Variants in TBC1D8 observed in about 807,000 individuals in gnomAD.
TBC1D8 encodes the protein BUB2-like protein 1.
Under a neutral mutation model 118.8 loss-of-function variants are expected in TBC1D8, and 65 were observed. The ratio of observed to expected loss-of-function variants is 0.55; its 90% CI spans 0.45 to 0.67. The LOEUF is 0.67. TBC1D8 is among the 30% of genes least tolerant of loss of function. TBC1D8 has a pLI of 0.00. For missense variants in TBC1D8, 1,376 were observed against 1,471.2 expected (o/e 0.94, Z 1.06); for synonymous variants, 566 against 595.8 (o/e 0.95, Z 0.73).
chr2:101,018,925 A>G, intron 17 of TBC1D8: 1 of 1,567,204 alleles, frequency 6.4e-7, no homozygotes, highest in South Asian at 1.2e-5. Flanking sequence ...TTGATGTCCT[A>G]ATCTTCTGGA....
intron 4 of TBC1D8, among the ~76,000 whole-genome samples, chr2:101,051,956 T>G (rs947454574): frequency 3.9e-5 from 6 of 152,354 alleles, no homozygotes; most frequent in African/African-American, 1.4e-4. Context: ...TTCTTAAAGA[T>G]CTCAGTAAAA....
intron 1 of TBC1D8, among the ~76,000 whole-genome samples, chr2:101,094,245 T>G (rs1676247351): frequency 6.6e-6 from 1 of 152,172 alleles, no homozygotes; most frequent in Non-Finnish European, 1.5e-5. Flanking sequence ...CAAAGGAGGC[T>G]GGAAACCTGT....
chr2:101,144,395 GGGGGT>G (rs982619714), intron 1 of TBC1D8, among the ~76,000 whole-genome samples: 1 of 152,122 alleles, frequency 6.6e-6, no homozygotes, highest in Non-Finnish European at 1.5e-5. Context: ...CCAGATGCTT[GGGGGT>G]GGGGGAGGAG....
intron 8 of TBC1D8, 126 bp downstream of exon 8, chr2:101,037,406 A>G: frequency 3.0e-6 from 4 of 1,339,258 alleles, no homozygotes; most frequent in Middle Eastern, 2.7e-4. Context: ...TGAGAACAAG[A>G]CGGAGGAGGA....
rs374030515 is a variant in TBC1D8 at position 101,143,132 on chromosome 2, G to A, written c.127+7995C>T. ...GAGTGGAGTGCAATGGCGAGATCTC[G>A]GCTCACTGCAACCTCCGCCTCCCGG... On this transcript the variant is annotated intron_variant, in intron 1 of 19. Coordinates refer to ENST00000409318, the MANE Select transcript of TBC1D8 (RefSeq NM_001330348.2). Among the ~76,000 whole-genome samples the A allele has an allele frequency of 5.4e-5, 8 of 147,388 alleles. No individual in the cohort carries two copies. The South Asian group carries it at 1.7e-3, about 31-fold the overall frequency.
chr2:101,054,672 C>CTTTT (rs34465252), intron 3 of TBC1D8, among the ~76,000 whole-genome samples: 14 of 25,436 alleles, frequency 5.5e-4, no homozygotes, highest in East Asian at 4.6e-3. Context: ...CTTTTCTTTT[C>CTTTT]TTTTTTTTTT....
intron 17 of TBC1D8, among the ~76,000 whole-genome samples, chr2:101,012,790 AAAAT>A (rs1159310081): frequency 2.0e-5 from 3 of 152,222 alleles, no homozygotes; most frequent in Non-Finnish European, 4.4e-5. Flanking sequence ...CATTTCACTG[AAAAT>A]AAATCAAAGG....
intron 1 of TBC1D8, among the ~76,000 whole-genome samples, chr2:101,124,157 C>T (rs1356763858): frequency 6.6e-6 from 1 of 152,150 alleles, no homozygotes; most frequent in Non-Finnish European, 1.5e-5. Flanking sequence ...ACTGGATCTC[C>T]GACACCACAC....
rs1445809219 is a variant in TBC1D8, at chr2:101,007,698, T to G, written c.*123A>C. The G allele has an allele frequency of 1.1e-5, 11 of 989,278 alleles. No individual in the cohort carries two copies. The highest frequency in any genetic ancestry group is 3.3e-5 in the African/African-American group (2 of 61,448). The allele number at this position is 989,278 out of a possible 1,614,324, so 61.3% of individuals were successfully genotyped here. ...TTCCCCTGGCCACAGTTTGTCAGGT[T>G]GTTTAGCCAGATGCCCCATTGGTAA... is the stretch of plus-strand genomic sequence containing the variant. On this transcript the variant is annotated 3_prime_UTR_variant, in exon 20 of 20. Coordinates refer to ENST00000409318, the MANE Select transcript of TBC1D8 (RefSeq NM_001330348.2).
intron 2 of TBC1D8, among the ~76,000 whole-genome samples, chr2:101,087,354 G>A (rs1347823886): frequency 6.6e-6 from 1 of 151,922 alleles, no homozygotes; most frequent in Non-Finnish European, 1.5e-5. Flanking sequence ...CTCTGGATTG[G>A]GGCCGGATGC....
chr2:101,027,327 C>T, intron 15 of TBC1D8, 56 bp downstream of exon 15: 2 of 1,551,488 alleles, frequency 1.3e-6, no homozygotes, highest in Non-Finnish European at 1.8e-6. Context: ...AGGCTGGGCA[C>T]CGCGGCTCAG....
chr2:101,027,382 C>CCTTG lies in TBC1D8; in HGVS notation c.2517_2520dup (p.Arg841GlnfsTer28). On this transcript the variant is annotated frameshift_variant and splice_region_variant. Transcript: ENST00000409318. LOFTEE classifies it high-confidence loss of function. Reference sequence around the variant, plus strand: ...CCCCTCATCTTCCCAGAGCTGCGTACCTTGAATAAGTCGTAGAGCTCCTCT... The same window carrying CCTTG: ...CCCCTCATCTTCCCAGAGCTGCGTACCTTGCTTGAATAAGTCGTAGAGCTCCTCT... 1 of 1,612,936 alleles carries CCTTG rather than the reference C, an allele frequency of 6.2e-7. No individual in the cohort carries two copies. Among genetic ancestry groups the CCTTG allele is most frequent in the Non-Finnish European group, 8.5e-7 (1 of 1,179,118 alleles).
At chr2:101,139,252 C>T (rs1425275517) in intron 1 of TBC1D8, among the ~76,000 whole-genome samples, 4 of 152,008 alleles carry the variant, frequency 2.6e-5, no homozygotes, top group Admixed American at 6.5e-5. Context: ...CAAATCTACA[C>T]TTGTGGATCC....
At chr2:101,055,691 A>G (rs1460562577) in intron 3 of TBC1D8, among the ~76,000 whole-genome samples, 1 of 152,202 alleles carries the variant, frequency 6.6e-6, no homozygotes, top group Non-Finnish European at 1.5e-5. Flanking sequence ...TTGACAACTC[A>G]TTGCTAACAT....
At chr2:101,028,019 A>T in intron 14 of TBC1D8, 29 bp downstream of exon 14, 1 of 1,609,376 alleles carries the variant, frequency 6.2e-7, no homozygotes, top group Non-Finnish European at 8.5e-7. Context: ...CAATACCGTG[A>T]TCACCGGGGT....
intron 11 of TBC1D8, among the ~76,000 whole-genome samples, chr2:101,030,910 T>A (rs997216982): frequency 2.6e-5 from 4 of 152,262 alleles, no homozygotes; most frequent in African/African-American, 9.6e-5. Context: ...ATGATTACAT[T>A]TATACAAGGT....
chr2:101,054,667 C>CTT (rs146225304), intron 3 of TBC1D8, among the ~76,000 whole-genome samples: 318 of 21,152 alleles, frequency 0.015, 28 homozygotes, highest in Non-Finnish European at 0.021. Context: ...ATTTTCTTTT[C>CTT]TTTTCTTTTT....
At chr2:101,055,769 C>T (rs1682383557) in intron 3 of TBC1D8, among the ~76,000 whole-genome samples, 1 of 152,130 alleles carries the variant, frequency 6.6e-6, no homozygotes, top group Non-Finnish European at 1.5e-5. Flanking sequence ...CTTCTTGGTA[C>T]CTTCATGTGA....
At chr2:101,083,398 A>G (rs1029979230) in intron 2 of TBC1D8, among the ~76,000 whole-genome samples, 7 of 152,144 alleles carry the variant, frequency 4.6e-5, no homozygotes, top group African/African-American at 1.7e-4. Context: ...GCTCTCATCC[A>G]AATCACACCA....
Sources: allele counts gnomAD v4.1 joint callset (sites outside exome capture counted in the v4.1 genomes callset), GRCh38; gene constraint gnomAD v4.1.1; transcripts MANE v1.5; gene names NCBI Gene and HGNC (gene_info 2026-07-23, HGNC 2026-07-21).